The following EYS variants were observed in gnomAD, a reference collection of about 807,000 sequenced individuals.
EYS encodes protein eyes shut homolog.
Under a neutral mutation model 282.1 loss-of-function variants are expected in EYS, and 250 were observed. The observed-to-expected ratio is 0.89, with a 90% confidence interval of 0.80 to 0.98. The LOEUF (loss-of-function observed/expected upper bound fraction) is 0.98, where lower values mean the gene tolerates loss of function less well. EYS is among the 50% of genes least tolerant of loss of function. The probability of loss-of-function intolerance (pLI) is 0.00; values close to 1 mark genes in which losing one functional copy is unlikely to be tolerated. For missense variants in EYS, 4,016 were observed against 3,709.0 expected (o/e 1.08, Z -2.15); for synonymous variants, 1,355 against 1,282.9 (o/e 1.06, Z -1.20).
intron 35 of EYS, among the ~76,000 whole-genome samples, chr6:63,901,069 T>A (rs980965369): frequency 1.3e-5 from 2 of 152,226 alleles, no homozygotes; most frequent in African/African-American, 4.8e-5. Flanking sequence ...CCTCAGATAT[T>A]AGATATAGCA....
chr6:65,437,379 C>T (rs1768114661), intron 5 of EYS, among the ~76,000 whole-genome samples: 1 of 151,954 alleles, frequency 6.6e-6, no homozygotes, highest in South Asian at 2.1e-4. Flanking sequence ...TGAACATTAA[C>T]TCTTAGATGA....
chr6:63,759,168 A>G (rs1175857858), intron 41 of EYS, among the ~76,000 whole-genome samples: 1 of 152,138 alleles, frequency 6.6e-6, no homozygotes, highest in African/African-American at 2.4e-5. Context: ...TTAACTTTTC[A>G]CTCACTGTTT....
At chr6:64,219,536 T>A (rs150940047) in intron 31 of EYS, among the ~76,000 whole-genome samples, 2 of 152,338 alleles carry the variant, frequency 1.3e-5, no homozygotes, top group Admixed American at 1.3e-4. Flanking sequence ...TATAATCCTT[T>A]GGGTATATAC....
intron 24 of EYS, among the ~76,000 whole-genome samples, chr6:64,607,408 G>A (rs1043144232): frequency 6.6e-6 from 1 of 152,082 alleles, no homozygotes; most frequent in Admixed American, 6.6e-5. Flanking sequence ...CATAGATCAG[G>A]AGGCTGGGAA....
At position 63,778,096 on chromosome 6, in the gene EYS, C is replaced by G. The variant is rs777749593; in HGVS notation, c.7808G>C (p.Gly2603Ala). The change falls in exon 40 of 43, where the codon GGA becomes GCA. Residue 2603 changes from glycine to alanine, a missense_variant. By Grantham distance (60) the Gly-to-Ala change is moderately conservative (BLOSUM62 0). Coordinates refer to ENST00000503581, the MANE Select transcript of EYS (RefSeq NM_001142800.2). ...LGNPEGHPNA[G>A]RSVGQCHASP... is the part of the protein sequence containing the mutation. Reference sequence around the variant, plus strand: ...AGCATGACACTGGCCAACACTGCGTCCAGCATTTGGGTGGCCCTCAGGATT... The same window carrying G: ...AGCATGACACTGGCCAACACTGCGTGCAGCATTTGGGTGGCCCTCAGGATT... 1.2e-5 allele frequency: 18 copies of G among 1,551,758 alleles called. No individual in the cohort carries two copies. The South Asian group carries it at 2.1e-4, about 18-fold the overall frequency.
Position 64,591,718 on chromosome 6 carries a change from A to G in EYS, c.4149T>C (p.Phe1383=), listed in dbSNP as rs1562080448. 1 of 1,551,388 alleles carries G rather than the reference A, an allele frequency of 6.4e-7. No individual in the cohort carries two copies. The highest frequency in any genetic ancestry group is 1.4e-5 in the African/African-American group (1 of 73,130). The part of the protein sequence containing the change: ...IRTSAATLGF[F]FPDRRARTPF... Reference sequence around the variant, plus strand: ...GGGTCCTTGCTCTCCTATCAGGAAAAAAGAAACCTAGTGTGGCTGCTGAAG... The same window carrying G: ...GGGTCCTTGCTCTCCTATCAGGAAAGAAGAAACCTAGTGTGGCTGCTGAAG... The change falls in exon 26 of 43, where the codon TTT becomes TTC. Residue 1383 remains phenylalanine, a synonymous_variant. Transcript: ENST00000503581.
intron 30 of EYS, among the ~76,000 whole-genome samples, chr6:64,301,048 T>G (rs1769215629): frequency 2.0e-5 from 3 of 152,206 alleles, no homozygotes; most frequent in South Asian, 2.1e-4. Context: ...GTTAGATACC[T>G]CTGTCATAAA....
At chr6:65,119,968 C>A (rs1329462152) in intron 12 of EYS, among the ~76,000 whole-genome samples, 1 of 151,376 alleles carries the variant, frequency 6.6e-6, no homozygotes, top group Non-Finnish European at 1.5e-5. Context: ...AAACCTACCC[C>A]CCCTCCCCGT....
rs181497716 is a variant in EYS at position 64,865,149 on chromosome 6, T to G, written c.2992+21548A>C. 4.5e-3 allele frequency among the ~76,000 whole-genome samples: 678 copies of G among 152,300 alleles called. 6 individuals are homozygous for G. The highest frequency in any genetic ancestry group is 7.6e-3 in the Non-Finnish European group (515 of 68,018). On this transcript the variant is annotated intron_variant, in intron 19 of 42. Transcript: ENST00000503581. Reference sequence around the variant, plus strand: ...TCTATATATTTATTCAAAAGCCAATTATCTAGGGATATTTCTGGGCTGTGA... The same window carrying G: ...TCTATATATTTATTCAAAAGCCAATGATCTAGGGATATTTCTGGGCTGTGA...
At chr6:65,112,811 C>G (rs896054288) in intron 12 of EYS, among the ~76,000 whole-genome samples, 1 of 152,062 alleles carries the variant, frequency 6.6e-6, no homozygotes, top group East Asian at 1.9e-4. Flanking sequence ...TATTTCTCTA[C>G]CAGTTGAAGA....
intron 5 of EYS, among the ~76,000 whole-genome samples, chr6:65,443,228 A>G (rs997514564): frequency 2.0e-5 from 3 of 151,832 alleles, no homozygotes; most frequent in Non-Finnish European, 2.9e-5. Context: ...ATACACATGT[A>G]TGTGAACATA....
At chr6:64,428,355 G>C (rs1207334849) in intron 28 of EYS, among the ~76,000 whole-genome samples, 1 of 152,074 alleles carries the variant, frequency 6.6e-6, no homozygotes, top group Non-Finnish European at 1.5e-5. Context: ...TAGCATAGGA[G>C]ACAGTTGACC....
intron 12 of EYS, among the ~76,000 whole-genome samples, chr6:65,143,310 A>G (rs1764395510): frequency 6.6e-6 from 1 of 151,984 alleles, no homozygotes; most frequent in African/African-American, 2.4e-5. Context: ...AATTTATGTA[A>G]AATTCTATAC....
intron 12 of EYS, among the ~76,000 whole-genome samples, chr6:65,262,376 A>T (rs548698769): frequency 3.3e-5 from 5 of 152,268 alleles, no homozygotes; most frequent in Admixed American, 1.3e-4. Context: ...TAAGAAATGT[A>T]TTACTCAATA....
At chr6:64,643,175 C>G (rs1768232747) in intron 22 of EYS, among the ~76,000 whole-genome samples, 1 of 150,154 alleles carries the variant, frequency 6.7e-6, no homozygotes, top group Admixed American at 6.6e-5. Flanking sequence ...CTTAGTTGGT[C>G]CAAATGCACC....
At chr6:65,693,404 C>CTT (rs66464915) in intron 1 of EYS, among the ~76,000 whole-genome samples, 2 of 125,270 alleles carry the variant, frequency 1.6e-5, no homozygotes, top group Non-Finnish European at 1.7e-5. Context: ...TTTTTCCTTT[C>CTT]TTTTTTTTTT....
At chr6:64,189,343 T>C (rs2150315674) in intron 31 of EYS, among the ~76,000 whole-genome samples, 1 of 152,354 alleles carries the variant, frequency 6.6e-6, no homozygotes, top group Non-Finnish European at 1.5e-5. Context: ...ATAGTTTTTA[T>C]ATTTTGGGAT....
At chr6:64,005,840 G>GT (rs572827622) in intron 33 of EYS, among the ~76,000 whole-genome samples, 170 of 151,946 alleles carry the variant, frequency 1.1e-3, no homozygotes, top group Middle Eastern at 3.4e-3. Flanking sequence ...CTGTTTTTTT[G>GT]TACAAGTACC....
chr6:65,262,837 G>A (rs754475092), intron 12 of EYS, among the ~76,000 whole-genome samples: 4 of 152,008 alleles, frequency 2.6e-5, no homozygotes, highest in African/African-American at 4.8e-5. Context: ...CCCATATTAA[G>A]AGGATAATTG....
Sources: allele counts gnomAD v4.1 joint callset (sites outside exome capture counted in the v4.1 genomes callset), GRCh38; gene constraint gnomAD v4.1.1; transcripts MANE v1.5; gene names NCBI Gene and HGNC (gene_info 2026-07-23, HGNC 2026-07-21).